Variants in SIPA1L2 observed in about 807,000 individuals in gnomAD.
The protein encoded by SIPA1L2 is signal-induced proliferation-associated 1-like protein 2.
SIPA1L2 carries 56 observed loss-of-function variants against 163.9 expected under a neutral mutation model. That is an observed-to-expected ratio of 0.34 (90% confidence interval 0.28 to 0.43). SIPA1L2 has a LOEUF of 0.43. Among genes scored for constraint, SIPA1L2 ranks in the 20% least tolerant of loss-of-function variants. SIPA1L2 has a pLI of 1.00. For synonymous variants in SIPA1L2, 877 were observed against 865.7 expected (o/e 1.01, Z -0.23); for missense variants, 1,974 against 2,193.5 (o/e 0.90, Z 2.00).
In SIPA1L2 at chr1:232,503,041, C is replaced by G. The variant is rs986015272; in HGVS notation, c.1484-9381G>C. Reference sequence around the variant, plus strand: ...GCAGAGGACAACGAGCAAGGCTTCCCAGGGTTGTGTGCATTCAGACCCTCA... The same window carrying G: ...GCAGAGGACAACGAGCAAGGCTTCCGAGGGTTGTGTGCATTCAGACCCTCA... On this transcript the variant is annotated intron_variant, in intron 3 of 22. Coordinates refer to ENST00000674635, the MANE Select transcript of SIPA1L2 (RefSeq NM_020808.5). 6.6e-5 allele frequency among the ~76,000 whole-genome samples: 10 copies of G among 152,180 alleles called. 1 individual carries two copies. The highest frequency in any genetic ancestry group is 2.4e-4 in the African/African-American group (10 of 41,436).
chr1:232,419,064 A>C lies in SIPA1L2; in HGVS notation c.4631-3439T>G, dbSNP rs143520313. Reference sequence around the variant, plus strand: ...TTAAGTCTTCTGCAGAAAGCAAAACAGGGTGATGTGACTGTGAAGCTTGGT... The same window carrying C: ...TTAAGTCTTCTGCAGAAAGCAAAACCGGGTGATGTGACTGTGAAGCTTGGT... On this transcript the variant is annotated intron_variant, in intron 18 of 22. Transcript: ENST00000674635. Among the ~76,000 whole-genome samples the C allele has an allele frequency of 2.9e-3, 443 of 152,302 alleles. 2 individuals carry two copies. The highest frequency in any genetic ancestry group is 4.8e-3 in the Non-Finnish European group (328 of 68,016).
rs867120100 is a variant in SIPA1L2 at position 232,454,609 on chromosome 1, T to C, written c.3095+6278A>G. On this transcript the variant is annotated intron_variant, in intron 10 of 22. Coordinates refer to ENST00000674635, the MANE Select transcript of SIPA1L2 (RefSeq NM_020808.5). Reference sequence around the variant, plus strand: ...ATTTCTATGGGGGGAGAATATCCAATGGCTGTCCACTATGGTAGCCACGGT... The same window carrying C: ...ATTTCTATGGGGGGAGAATATCCAACGGCTGTCCACTATGGTAGCCACGGT... Among the ~76,000 whole-genome samples, 6 of 152,344 alleles carry C rather than the reference T, an allele frequency of 3.9e-5. No individual in the cohort carries two copies. The East Asian group carries it at 7.7e-4, about 20-fold the overall frequency.
intron 7 of SIPA1L2, among the ~76,000 whole-genome samples, chr1:232,472,383 G>A (rs1028449726): frequency 6.6e-6 from 1 of 152,200 alleles, no homozygotes; most frequent in African/African-American, 2.4e-5. Flanking sequence ...GGGCACAGAA[G>A]TGTCATACTG....
At chr1:232,572,662 CAT>C (rs1305270146) in intron 2 of SIPA1L2, among the ~76,000 whole-genome samples, 48 of 99,080 alleles carry the variant, frequency 4.8e-4, no homozygotes, top group African/African-American at 1.1e-3. Context: ...TCGTCAAATA[CAT>C]ATATATATAT....
chr1:232,429,129 G>A (rs1477409458), intron 16 of SIPA1L2, among the ~76,000 whole-genome samples: 1 of 152,204 alleles, frequency 6.6e-6, no homozygotes, highest in Non-Finnish European at 1.5e-5. Flanking sequence ...TGTATTGACA[G>A]ACAACAAAGG....
At chr1:232,450,602 T>C (rs1263447494) in intron 10 of SIPA1L2, among the ~76,000 whole-genome samples, 2 of 152,150 alleles carry the variant, frequency 1.3e-5, no homozygotes, top group Admixed American at 1.3e-4. Flanking sequence ...GATCCTGGAG[T>C]TATATGTTGA....
chr1:232,584,989 G>C (rs1660580031), intron 1 of SIPA1L2, among the ~76,000 whole-genome samples: 2 of 152,054 alleles, frequency 1.3e-5, no homozygotes, highest in Admixed American at 1.3e-4. Flanking sequence ...AGTAGTAAGG[G>C]GATATTTCAT....
intron 1 of SIPA1L2, among the ~76,000 whole-genome samples, chr1:232,619,492 G>A (rs931182361): frequency 2.0e-5 from 3 of 152,216 alleles, no homozygotes; most frequent in Non-Finnish European, 4.4e-5. Flanking sequence ...TAGCTCTAGT[G>A]ATTAAATCAT....
chr1:232,604,856 C>T (rs954696206), intron 1 of SIPA1L2, among the ~76,000 whole-genome samples: 30 of 152,152 alleles, frequency 2.0e-4, no homozygotes, highest in Non-Finnish European at 4.1e-4. Flanking sequence ...CTGTCTGTTT[C>T]CACTTCATCT....
chr1:232,473,955 A>G (rs1664915349), intron 7 of SIPA1L2, among the ~76,000 whole-genome samples: 1 of 152,244 alleles, frequency 6.6e-6, no homozygotes, highest in Non-Finnish European at 1.5e-5. Context: ...TTTCTGTTTT[A>G]GGACTTTGTC....
intron 3 of SIPA1L2, among the ~76,000 whole-genome samples, chr1:232,507,280 G>A (rs533358637): frequency 6.6e-6 from 1 of 151,302 alleles, no homozygotes; most frequent in South Asian, 2.1e-4. Flanking sequence ...TTTTTCTAAT[G>A]TTTTCCCCTA....
At chr1:232,486,295 C>CA (rs1665645099) in intron 5 of SIPA1L2, among the ~76,000 whole-genome samples, 2 of 152,160 alleles carry the variant, frequency 1.3e-5, no homozygotes, top group Admixed American at 6.5e-5. Context: ...AGGCAAAGGC[C>CA]AAACAACTGG....
chr1:232,574,928 T>C (rs79709599), intron 1 of SIPA1L2, among the ~76,000 whole-genome samples: 6,040 of 152,318 alleles, frequency 0.04, 278 homozygotes, highest in African/African-American at 0.12. Context: ...ATTGGTCTTT[T>C]CTGCCTTCCT....
At chr1:232,543,410 C>A (rs1292793609) in intron 2 of SIPA1L2, among the ~76,000 whole-genome samples, 3 of 152,202 alleles carry the variant, frequency 2.0e-5, no homozygotes. Flanking sequence ...GCCCCTTCCA[C>A]CTCCTCCACC....
chr1:232,414,905 C>A (rs1194902184), intron 19 of SIPA1L2, among the ~76,000 whole-genome samples: 1 of 152,182 alleles, frequency 6.6e-6, no homozygotes, highest in Non-Finnish European at 1.5e-5. Context: ...GTAGCCTCAA[C>A]CAAAAATGAC....
At chr1:232,443,748 C>T in intron 11 of SIPA1L2, 63 bp from the exon 12 acceptor site, 1 of 1,317,806 alleles carries the variant, frequency 7.6e-7, no homozygotes, top group Admixed American at 2.4e-5. Context: ...CTTGACCTGG[C>T]CTGTTTTGTT....
intron 6 of SIPA1L2, among the ~76,000 whole-genome samples, chr1:232,480,152 T>C (rs904443592): frequency 4.9e-5 from 6 of 123,340 alleles, no homozygotes; most frequent in Non-Finnish European, 1.0e-4. Context: ...TGTGTGTGTG[T>C]GCGTGTGTGT....
intron 1 of SIPA1L2, among the ~76,000 whole-genome samples, chr1:232,589,096 T>A (rs1334403): frequency 0.79 from 120,103 of 152,144 alleles, 47,793 homozygotes; most frequent in East Asian, 0.92. Flanking sequence ...GGCAGTTCCC[T>A]CAAGGAAACA....
intron 2 of SIPA1L2, among the ~76,000 whole-genome samples, chr1:232,540,794 C>T (rs1431006383): frequency 2.6e-5 from 4 of 151,998 alleles, no homozygotes; most frequent in Admixed American, 2.6e-4. Flanking sequence ...TAAAATTTGA[C>T]CAGAATTATC....
Sources: gnomAD v4.1 joint callset for allele counts (sites outside exome capture counted in the v4.1 genomes callset) on GRCh38, gnomAD v4.1.1 for gene constraint, MANE v1.5 for transcripts, NCBI Gene and HGNC (gene_info 2026-07-23, HGNC 2026-07-21) for gene names.